Variants in CPNE4 observed in about 807,000 individuals in gnomAD.
CPNE4 encodes the protein copine-4.
A neutral mutation model predicts 67.9 loss-of-function variants in CPNE4; 25 were observed. The ratio of observed to expected loss-of-function variants is 0.37; its 90% CI spans 0.27 to 0.51. The LOEUF is 0.51. Among genes scored for constraint, CPNE4 ranks in the 20% least tolerant of loss-of-function variants. The probability of loss-of-function intolerance (pLI) is 0.93; values close to 1 mark genes in which losing one functional copy is unlikely to be tolerated. For missense variants in CPNE4, 464 were observed against 690.8 expected (o/e 0.67, Z 3.68); for synonymous variants, 242 against 244.9 (o/e 0.99, Z 0.11).
At chr3:131,962,335 C>T (rs1041345136) in intron 1 of CPNE4, among the ~76,000 whole-genome samples, 2 of 152,194 alleles carry the variant, frequency 1.3e-5, no homozygotes, top group Admixed American at 6.5e-5. Flanking sequence ...ACCAGTCTAA[C>T]CACCCGATCT....
chr3:131,650,126 G>GC (rs2079772045), intron 7 of CPNE4, among the ~76,000 whole-genome samples: 2 of 151,944 alleles, frequency 1.3e-5, no homozygotes, highest in South Asian at 4.2e-4. Flanking sequence ...CTTTTAAAGG[G>GC]CATATCTGAT....
chr3:131,732,080 C>T (rs543980853), intron 2 of CPNE4, among the ~76,000 whole-genome samples: 2 of 152,258 alleles, frequency 1.3e-5, no homozygotes, highest in African/African-American at 4.8e-5. Context: ...TGTTATGGCT[C>T]AGCTCCAAAG....
chr3:131,988,033 A>G (rs2073096557), intron 1 of CPNE4, among the ~76,000 whole-genome samples: 1 of 152,178 alleles, frequency 6.6e-6, no homozygotes, highest in Non-Finnish European at 1.5e-5. Flanking sequence ...TTAATTACAA[A>G]TACCATAGTG....
At chr3:131,767,594 C>T (rs927325372) in intron 2 of CPNE4, among the ~76,000 whole-genome samples, 3 of 151,942 alleles carry the variant, frequency 2.0e-5, no homozygotes, top group Admixed American at 6.6e-5. Context: ...GTTCATGCTT[C>T]ATCATACCTG....
intron 7 of CPNE4, among the ~76,000 whole-genome samples, chr3:131,650,836 A>G (rs1292311110): frequency 6.6e-6 from 1 of 151,896 alleles, no homozygotes; most frequent in Non-Finnish European, 1.5e-5. Context: ...AATGCTTGCA[A>G]TTAGTAAAAT....
chr3:131,799,772 G>C (rs1583217822), intron 2 of CPNE4, among the ~76,000 whole-genome samples: 3 of 152,088 alleles, frequency 2.0e-5, no homozygotes, highest in African/African-American at 7.2e-5. Context: ...GATTATCCTA[G>C]GGTTAGTAAC....
At chr3:131,900,381 A>T (rs998250272) in intron 2 of CPNE4, among the ~76,000 whole-genome samples, 4 of 152,126 alleles carry the variant, frequency 2.6e-5, no homozygotes, top group African/African-American at 4.8e-5. Flanking sequence ...GAACCCTTGT[A>T]CACTGTTGGT....
chr3:131,561,356 T>TGC (rs35818053), intron 11 of CPNE4, among the ~76,000 whole-genome samples: 6,052 of 151,708 alleles, frequency 0.04, 121 homozygotes, highest in African/African-American at 0.063. Flanking sequence ...TGTGTGTGTG[T>TGC]GCGCACATAC....
intron 3 of CPNE4, among the ~76,000 whole-genome samples, chr3:131,712,571 A>G (rs2081586156): frequency 6.6e-6 from 1 of 152,248 alleles, no homozygotes; most frequent in East Asian, 1.9e-4. Flanking sequence ...ATAGTTCAAG[A>G]AATCTAGTTT....
intron 1 of CPNE4, among the ~76,000 whole-genome samples, chr3:132,002,500 G>T (rs2073481213): frequency 6.6e-6 from 1 of 152,064 alleles, no homozygotes; most frequent in East Asian, 1.9e-4. Flanking sequence ...ATCCAAAAAG[G>T]TAGCACTAAA....
At chr3:131,979,322 A>G (rs1377525170) in intron 1 of CPNE4, among the ~76,000 whole-genome samples, 1 of 152,094 alleles carries the variant, frequency 6.6e-6, no homozygotes, top group Non-Finnish European at 1.5e-5. Flanking sequence ...TGTCTATCTC[A>G]TTTCCTAGGT....
chr3:131,825,430 G>A (rs570691030), intron 2 of CPNE4, among the ~76,000 whole-genome samples: 1 of 151,112 alleles, frequency 6.6e-6, no homozygotes, highest in African/African-American at 2.4e-5. Context: ...GGAGGCAGAG[G>A]TTGCAGTGAG....
chr3:131,801,452 G>GTGTGTGTGTGTATATATA (rs761978890), intron 2 of CPNE4, among the ~76,000 whole-genome samples: 8 of 53,350 alleles, frequency 1.5e-4, no homozygotes, highest in African/African-American at 6.3e-4. Context: ...GTGTGTGTGT[G>GTGTGTGTGTGTATATATA]TATATATATA....
chr3:132,032,811 T>C (rs1285008536), intron 1 of CPNE4, among the ~76,000 whole-genome samples: 3 of 152,244 alleles, frequency 2.0e-5, no homozygotes, highest in Non-Finnish European at 4.4e-5. Flanking sequence ...GCCATAGCCA[T>C]GCTGAGCTTC....
intron 2 of CPNE4, among the ~76,000 whole-genome samples, chr3:131,799,221 T>C (rs2107904336): frequency 6.6e-6 from 1 of 152,240 alleles, no homozygotes; most frequent in Non-Finnish European, 1.5e-5. Context: ...GGCAAGGACA[T>C]TTTCCTGAAG....
intron 7 of CPNE4, among the ~76,000 whole-genome samples, chr3:131,606,593 A>G (rs1502665): frequency 0.3 from 45,027 of 152,038 alleles, 10,588 homozygotes; most frequent in African/African-American, 0.66. Flanking sequence ...ATTTCTTTGG[A>G]TTACTTGGGC....
intron 2 of CPNE4, among the ~76,000 whole-genome samples, chr3:131,779,578 T>C (rs551924164): frequency 6.6e-6 from 1 of 152,174 alleles, no homozygotes; most frequent in East Asian, 1.9e-4. Flanking sequence ...TAGCAAGCAA[T>C]GGGGAAAGAA....
intron 2 of CPNE4, among the ~76,000 whole-genome samples, chr3:131,824,885 C>G (rs1032201167): frequency 2.0e-5 from 3 of 152,030 alleles, no homozygotes; most frequent in African/African-American, 7.3e-5. Flanking sequence ...CCTGAACATT[C>G]CTCATAGCAG....
At chr3:131,764,277 GA>G (rs11378336) in intron 2 of CPNE4, among the ~76,000 whole-genome samples, 19 of 148,762 alleles carry the variant, frequency 1.3e-4, no homozygotes, top group African/African-American at 3.2e-4. Flanking sequence ...TGTTTTATAG[GA>G]AAAAAAAAAG....
Sources: allele counts gnomAD v4.1 joint callset (sites outside exome capture counted in the v4.1 genomes callset), GRCh38; gene constraint gnomAD v4.1.1; transcripts MANE v1.5; gene names NCBI Gene and HGNC (gene_info 2026-07-23, HGNC 2026-07-21).